Variants in NUGGC observed in about 807,000 individuals in gnomAD.
NUGGC encodes the protein nuclear GTPase, germinal center associated.
NUGGC carries 58 observed loss-of-function variants against 92.6 expected under a neutral mutation model. That is an observed-to-expected ratio of 0.63 (90% CI 0.51 to 0.78). The LOEUF is 0.78. NUGGC is among the 30% of genes least tolerant of loss of function. The pLI is 0.00. For synonymous variants in NUGGC, 376 were observed against 366.4 expected (o/e 1.03, Z -0.30); for missense variants, 925 against 964.6 (o/e 0.96, Z 0.54).
At position 28,022,019 on chromosome 8, in the gene NUGGC, A is replaced by T. The variant is rs1033344938; in HGVS notation, c.*1298T>A. On this transcript the variant is annotated 3_prime_UTR_variant, in exon 19 of 19. Transcript: ENST00000413272. ...TTTTCCATAATACTTAAGTTTTTCA[A>T]CGTTTAGATATTTTTCTTTATTGAA... is the stretch of plus-strand genomic sequence containing the variant. The T allele has an allele frequency of 2.0e-5, 3 of 152,154 alleles. No individual in the cohort carries two copies. The highest frequency in any genetic ancestry group is 7.2e-5 in the African/African-American group (3 of 41,404). 9.4% of individuals were successfully genotyped at this position (152,154 alleles called of 1,614,324 possible).
intron 17 of NUGGC, among the ~76,000 whole-genome samples, chr8:28,028,564 C>T (rs889423378): frequency 8.5e-5 from 13 of 152,130 alleles, no homozygotes; most frequent in African/African-American, 3.1e-4. Context: ...TGGAGCCTCA[C>T]ATGGCCAGGG....
At position 28,029,393 on chromosome 8, in the gene NUGGC, T is replaced by C; in HGVS notation, c.2027A>G (p.Gln676Arg). The change falls in exon 17 of 19, where the codon CAG becomes CGG. Residue 676 changes from glutamine to arginine, a missense_variant. Transcript: ENST00000413272. Reference sequence around the variant, plus strand: ...CTCACACGCTTTTTTGCCCGTGATCTGAGCTGCCTCTGGCAAAAATGATAG... The same window carrying C: ...CTCACACGCTTTTTTGCCCGTGATCCGAGCTGCCTCTGGCAAAAATGATAG... ...DLKLCYEEAA[Q>R]ITGKKACERM... 1 of 1,612,478 alleles carries C rather than the reference T, an allele frequency of 6.2e-7. No homozygotes were observed. The highest frequency in any genetic ancestry group is 8.5e-7 in the Non-Finnish European group (1 of 1,179,242).
chr8:28,026,328 A>G (rs1346321073), intron 18 of NUGGC, among the ~76,000 whole-genome samples: 1 of 152,200 alleles, frequency 6.6e-6, no homozygotes, highest in Non-Finnish European at 1.5e-5. Flanking sequence ...GCTAGAAATT[A>G]CTTAATTGCT....
intron 2 of NUGGC, 95 bp downstream of exon 2, chr8:28,074,273 C>A: frequency 1.2e-6 from 1 of 839,862 alleles, no homozygotes; most frequent in Non-Finnish European, 2.0e-6. Flanking sequence ...GGAACAATGA[C>A]AACAGTGAAA....
chr8:28,043,947 A>AT (rs765629541), intron 12 of NUGGC, among the ~76,000 whole-genome samples: 35 of 152,244 alleles, frequency 2.3e-4, no homozygotes, highest in Non-Finnish European at 4.7e-4. Context: ...TTGTACAACT[A>AT]GACCAAAACA....
At chr8:28,080,140 C>T (rs1246066359) in intron 1 of NUGGC, among the ~76,000 whole-genome samples, 1 of 152,084 alleles carries the variant, frequency 6.6e-6, no homozygotes, top group African/African-American at 2.4e-5. Context: ...CAAGGTTTCA[C>T]TATGTTGGCC....
chr8:28,071,812 C>T (rs1810597058), intron 2 of NUGGC, among the ~76,000 whole-genome samples: 1 of 152,102 alleles, frequency 6.6e-6, no homozygotes, highest in African/African-American at 2.4e-5. Flanking sequence ...CTGGCCTGCA[C>T]CTTAGAAAAT....
chr8:28,080,715 T>C (rs2130298138), intron 1 of NUGGC, among the ~76,000 whole-genome samples: 1 of 152,312 alleles, frequency 6.6e-6, no homozygotes, highest in East Asian at 1.9e-4. Flanking sequence ...GCAGAAATTA[T>C]ATTTACTATT....
chr8:28,060,575 C>A lies in NUGGC; in HGVS notation c.948G>T (p.Trp316Cys). 1 of 1,612,808 alleles carries A rather than the reference C, an allele frequency of 6.2e-7. No homozygotes were observed. Among genetic ancestry groups the A allele is most frequent in the South Asian group, 1.1e-5 (1 of 90,922 alleles). ...KKTIDKCSVI[W>C]VISDIERVSG... ...AAACTCGCTCTATGTCGCTGATCAC[C>A]CAGATCACTGAGCACTTGTCAATGG... is the stretch of plus-strand genomic sequence containing the variant. Residue 316 changes from tryptophan (W) to cysteine (C), a missense_variant, in exon 8 of 19, where the codon TGG becomes TGT. Trp to Cys is a radical substitution (Grantham distance 215). Transcript: ENST00000413272.
intron 17 of NUGGC, among the ~76,000 whole-genome samples, chr8:28,028,612 C>T (rs138190017): frequency 1.4e-3 from 214 of 152,226 alleles, no homozygotes; most frequent in Non-Finnish European, 2.1e-3. Context: ...AGGATCTCTA[C>T]TACTTGGGGG....
intron 10 of NUGGC, among the ~76,000 whole-genome samples, chr8:28,049,278 A>C (rs1809928432): frequency 6.6e-6 from 1 of 152,176 alleles, no homozygotes; most frequent in Admixed American, 6.5e-5. Flanking sequence ...GAAGTTGCAA[A>C]AAGAATCTAT....
rs1164677369 is a variant in NUGGC, at chr8:28,022,043, A to C, written c.*1274T>G. 2.0e-5 allele frequency: 3 copies of C among 151,930 alleles called. No homozygotes were observed. Among genetic ancestry groups the C allele is most frequent in the African/African-American group, 7.3e-5 (3 of 41,330 alleles). The allele number at this position is 151,930 out of a possible 1,614,324, so 9.4% of individuals were successfully genotyped here. On this transcript the variant is annotated 3_prime_UTR_variant, in exon 19 of 19. Transcript: ENST00000413272. ...AACGTTTAGATATTTTTCTTTATTG[A>C]AGGATGAATTTCTTTTTATGGCTTG...
chr8:28,023,957 C>T (rs911541233), intron 18 of NUGGC, among the ~76,000 whole-genome samples: 7 of 152,276 alleles, frequency 4.6e-5, no homozygotes, highest in African/African-American at 9.6e-5. Context: ...CCGGATTAAA[C>T]GTGAGTCTGG....
At chr8:28,065,434 A>G (rs1810417988) in intron 6 of NUGGC, among the ~76,000 whole-genome samples, 1 of 152,194 alleles carries the variant, frequency 6.6e-6, no homozygotes, top group South Asian at 2.1e-4. Context: ...TGCTGGGATT[A>G]CAGGCGTGAG....
chr8:28,036,983 C>T (rs1467342720), intron 13 of NUGGC, among the ~76,000 whole-genome samples: 2 of 152,220 alleles, frequency 1.3e-5, no homozygotes, highest in African/African-American at 4.8e-5. Context: ...TGAGCTTGTG[C>T]TTGGCTCAGA....
intron 7 of NUGGC, among the ~76,000 whole-genome samples, chr8:28,063,711 G>C (rs1563227849): frequency 6.6e-6 from 1 of 152,194 alleles, no homozygotes; most frequent in East Asian, 1.9e-4. Context: ...GCTTGCTCTA[G>C]ATTGTGACTG....
In NUGGC at chr8:28,026,990, C is replaced by G. The variant is rs1220568741; in HGVS notation, c.2217G>C (p.Gln739His). 1 of 1,613,774 alleles carries G rather than the reference C, an allele frequency of 6.2e-7. No individual in the cohort carries two copies. Residue 739 changes from glutamine to histidine, a missense_variant, in exon 18 of 19, where the codon CAG becomes CAC. Transcript: ENST00000413272. The stretch of plus-strand genomic sequence containing the variant: ...CAAGCTCCTTGTAGAGGCCATCCCC[C>G]TGGGACGAAGCAAGGGCCAGCATAG... ...ITTMLALASS[Q>H]GDGLYKELAD...
chr8:28,053,735 T>C (rs1011770056), intron 10 of NUGGC, among the ~76,000 whole-genome samples: 1 of 152,194 alleles, frequency 6.6e-6, no homozygotes, highest in African/African-American at 2.4e-5. Flanking sequence ...AAATTGTGTA[T>C]TGAAGTATTC....
chr8:28,050,384 A>T (rs936050749), intron 10 of NUGGC, among the ~76,000 whole-genome samples: 2 of 82,628 alleles, frequency 2.4e-5, no homozygotes, highest in Non-Finnish European at 5.0e-5. Context: ...AAACTCTGTT[A>T]AAAAAAAAGA....
Sources: gnomAD v4.1 joint callset for allele counts (sites outside exome capture counted in the v4.1 genomes callset) on GRCh38, gnomAD v4.1.1 for gene constraint, MANE v1.5 for transcripts, NCBI Gene and HGNC (gene_info 2026-07-23, HGNC 2026-07-21) for gene names.